Variants in PLEKHA6 observed in about 807,000 individuals in gnomAD.
PLEKHA6 encodes pleckstrin homology domain-containing family A member 6.
Under a neutral mutation model 116.7 loss-of-function variants are expected in PLEKHA6, and 60 were observed. The ratio of observed to expected loss-of-function variants is 0.51; its 90% CI spans 0.42 to 0.64. The LOEUF (loss-of-function observed/expected upper bound fraction) is 0.64, where lower values mean the gene tolerates loss of function less well. PLEKHA6 is among the 30% of genes least tolerant of loss of function. The pLI is 0.00. For missense variants in PLEKHA6, 1,338 were observed against 1,422.7 expected, an observed-to-expected ratio of 0.94 and a Z score of 0.96; for synonymous variants, 489 against 556.1, an observed-to-expected ratio of 0.88 and a Z score of 1.70.
intron 7 of PLEKHA6, among the ~76,000 whole-genome samples, chr1:204,260,871 G>C (rs549293177): frequency 3.3e-5 from 5 of 152,350 alleles, no homozygotes; most frequent in Admixed American, 2.0e-4. Flanking sequence ...GTATTTGCTG[G>C]TTTTTGAGCA....
At chr1:204,327,547 C>G (rs963357307) in intron 1 of PLEKHA6, among the ~76,000 whole-genome samples, 2 of 152,268 alleles carry the variant, frequency 1.3e-5, no homozygotes, top group Non-Finnish European at 2.9e-5. Context: ...TTGATTGGCA[C>G]CTTGCAAGCA....
In PLEKHA6 at chr1:204,223,087, C is replaced by T. The variant is rs556980219; in HGVS notation, c.*9-308G>A. 2.6e-5 allele frequency among the ~76,000 whole-genome samples: 4 copies of T among 152,294 alleles called. No homozygotes were observed. The highest frequency in any genetic ancestry group is 2.1e-4 in the South Asian group (1 of 4,824). On this transcript the variant is annotated intron_variant, in intron 22 of 22. Transcript: ENST00000272203. The surrounding 1 kb of genome is among the most constrained non-coding windows in gnomAD (Gnocchi z 4.8). ...CTTCTGAGGGCTTCTGAAGGTTCTG[C>T]ATCTGTGTATCTCAACAGATGGAAA...
At chr1:204,263,206 G>A (rs1666357420) in intron 6 of PLEKHA6, among the ~76,000 whole-genome samples, 1 of 152,214 alleles carries the variant, frequency 6.6e-6, no homozygotes, top group South Asian at 2.1e-4. Context: ...GAGGGCCTGG[G>A]AAAAGACAGG....
At chr1:204,313,058 C>CCCTCCCTT (rs1308231864) in intron 1 of PLEKHA6, among the ~76,000 whole-genome samples, 1 of 119,858 alleles carries the variant, frequency 8.3e-6, no homozygotes, top group Non-Finnish European at 1.7e-5. Context: ...GTCCCTCCCT[C>CCCTCCCTT]CCTCCCTTCC....
intron 1 of PLEKHA6, among the ~76,000 whole-genome samples, chr1:204,347,495 G>C (rs763691867): frequency 6.6e-6 from 1 of 151,012 alleles, no homozygotes; most frequent in Admixed American, 6.6e-5. Flanking sequence ...ACTGGGTCCT[G>C]AGGTGACATA....
At chr1:204,345,065 G>A (rs955109756) in intron 1 of PLEKHA6, among the ~76,000 whole-genome samples, 9 of 152,128 alleles carry the variant, frequency 5.9e-5, no homozygotes, top group Admixed American at 2.0e-4. Context: ...CACATTTATC[G>A]GCGAGAAAGA....
intron 1 of PLEKHA6, among the ~76,000 whole-genome samples, chr1:204,308,413 GTCAA>G (rs749356082): frequency 3.9e-5 from 6 of 152,020 alleles, no homozygotes; most frequent in Non-Finnish European, 7.4e-5. Context: ...GCGAGACCCT[GTCAA>G]TCAATCAATC....
chr1:204,263,549 C>T (rs887430138), intron 6 of PLEKHA6, among the ~76,000 whole-genome samples: 8 of 151,866 alleles, frequency 5.3e-5, no homozygotes, highest in Admixed American at 2.6e-4. Context: ...AAAGAGGCAG[C>T]GCAGTGTGGG....
chr1:204,351,635 C>CA (rs60101747), intron 1 of PLEKHA6, among the ~76,000 whole-genome samples: 16,707 of 152,204 alleles, frequency 0.11, 2,272 homozygotes, highest in African/African-American at 0.32. Context: ...TGAAGTTTCT[C>CA]AATTGAGCCA....
chr1:204,355,539 A>G (rs1287445085), intron 1 of PLEKHA6, among the ~76,000 whole-genome samples: 1 of 152,178 alleles, frequency 6.6e-6, no homozygotes. Context: ...TCCTGGGTTC[A>G]ATGGATTCTC....
At chr1:204,230,957 G>C (rs6665731) in intron 17 of PLEKHA6, among the ~76,000 whole-genome samples, 78,442 of 151,972 alleles carry the variant, frequency 0.52, 20,876 homozygotes, top group African/African-American at 0.66. Flanking sequence ...AAACCTACAA[G>C]AGATTCTCCC....
chr1:204,333,973 GGGAGCTCTGA>G (rs1296503160), intron 1 of PLEKHA6, among the ~76,000 whole-genome samples: 4 of 152,214 alleles, frequency 2.6e-5, no homozygotes, highest in Admixed American at 6.5e-5. Flanking sequence ...CTCTGAGGTT[GGGAGCTCTGA>G]GGAGGCCTAG....
At chr1:204,280,753 C>T (rs533538686) in intron 1 of PLEKHA6, among the ~76,000 whole-genome samples, 1 of 152,296 alleles carries the variant, frequency 6.6e-6, no homozygotes, top group East Asian at 1.9e-4. Flanking sequence ...CTGTGCCTCC[C>T]CATCTGGATC....
At chr1:204,241,621 G>A in intron 16 of PLEKHA6, 64 bp downstream of exon 16, 1 of 1,501,462 alleles carries the variant, frequency 6.7e-7, no homozygotes, top group South Asian at 1.3e-5. Flanking sequence ...GTGTGAATGA[G>A]CACCCAGGGC....
At chr1:204,269,206 C>T (rs966354517) in intron 3 of PLEKHA6, among the ~76,000 whole-genome samples, 1 of 151,346 alleles carries the variant, frequency 6.6e-6, no homozygotes, top group South Asian at 2.1e-4. Flanking sequence ...AGCTTTTCTA[C>T]TCCATTGAGG....
intron 1 of PLEKHA6, among the ~76,000 whole-genome samples, chr1:204,340,619 C>G (rs1672812890): frequency 6.6e-6 from 1 of 152,134 alleles, no homozygotes; most frequent in South Asian, 2.1e-4. Context: ...GTACCCTGAC[C>G]CCCAGGGCCA....
chr1:204,297,709 G>T (rs75711586), intron 1 of PLEKHA6: 3,540 of 163,956 alleles, frequency 0.022, 48 homozygotes, highest in Non-Finnish European at 0.033. Flanking sequence ...CCTGTTACAC[G>T]TTCGTGGTTA....
chr1:204,239,669 C>G (rs1256908526), intron 17 of PLEKHA6, among the ~76,000 whole-genome samples: 3 of 152,162 alleles, frequency 2.0e-5, no homozygotes, highest in African/African-American at 7.2e-5. Flanking sequence ...CATCCTGAAG[C>G]AGCTGGATTG....
Position 204,313,088 on chromosome 1 carries a change from C to CTT in PLEKHA6, c.-94-38280_-94-38279insAA, listed in dbSNP as rs1558174731. ...CCTTCCTCCCTTCCTCCCTTCCCTC[C>CTT]CTCCCTCCTTCCCTCCTTCCTTCCT... On this transcript the variant is annotated intron_variant, in intron 1 of 22. Coordinates refer to ENST00000272203, the MANE Select transcript of PLEKHA6 (RefSeq NM_014935.5). Among the ~76,000 whole-genome samples the CTT allele has an allele frequency of 2.4e-4, 28 of 118,018 alleles. 1 individual carries two copies. The highest frequency in any genetic ancestry group is 4.2e-4 in the African/African-American group (13 of 30,612). 77.4% of individuals were successfully genotyped at this position (118,018 alleles called of 152,430 possible).
Sources: allele counts gnomAD v4.1 joint callset (sites outside exome capture counted in the v4.1 genomes callset), GRCh38; gene constraint gnomAD v4.1.1; non-coding constraint Gnocchi (gnomAD v3.1); transcripts MANE v1.5; gene names NCBI Gene and HGNC (gene_info 2026-07-23, HGNC 2026-07-21).